Variants in PPP6R2 observed in about 807,000 individuals in gnomAD.
PPP6R2 encodes protein phosphatase 6 regulatory subunit 2, also known as serine/threonine-protein phosphatase 6 regulatory subunit 2.
Under a neutral mutation model 100.2 loss-of-function variants are expected in PPP6R2, and 62 were observed. The ratio of observed to expected loss-of-function variants is 0.62; its 90% CI spans 0.50 to 0.76. The LOEUF is 0.76. Among genes scored for constraint, PPP6R2 ranks in the 30% least tolerant of loss-of-function variants. PPP6R2 has a pLI of 0.00. For missense variants in PPP6R2, 1,142 were observed against 1,276.3 expected, an observed-to-expected ratio of 0.89 and a Z score of 1.60; for synonymous variants, 525 against 514.7, an observed-to-expected ratio of 1.02 and a Z score of -0.27.
chr22:50,362,452 G>A (rs1392664447), intron 1 of PPP6R2, among the ~76,000 whole-genome samples: 2 of 152,160 alleles, frequency 1.3e-5, no homozygotes, highest in African/African-American at 4.8e-5. Context: ...GGAATGTGCA[G>A]CGACGTCAGC....
intron 2 of PPP6R2, among the ~76,000 whole-genome samples, chr22:50,379,279 T>C (rs1007216655): frequency 4.6e-5 from 7 of 152,032 alleles, no homozygotes; most frequent in Non-Finnish European, 1.0e-4. Context: ...GTGGATTGCT[T>C]GAGTCCAGAA....
chr22:50,366,375 A>G (rs983988160), intron 1 of PPP6R2, among the ~76,000 whole-genome samples: 11 of 149,968 alleles, frequency 7.3e-5, no homozygotes, highest in African/African-American at 2.7e-4. Flanking sequence ...CAGTGGTGCA[A>G]TCCCAGCTCA....
the PPP6R2 span, among the ~76,000 whole-genome samples, chr22:50,331,893 T>A: frequency 1.3e-5 from 2 of 152,218 alleles, no homozygotes; most frequent in African/African-American, 4.8e-5. Context: ...GTGCTGGGAT[T>A]ACAGGCGTGA....
chr22:50,339,984 AGT>A (rs373480724), upstream of PPP6R2, among the ~76,000 whole-genome samples: 303 of 61,464 alleles, frequency 4.9e-3, no homozygotes, highest in Non-Finnish European at 7.8e-3. Context: ...TGTGGTATGT[AGT>A]GTGTGTTATG....
intron 22 of PPP6R2, 121 bp downstream of exon 22, chr22:50,441,147 G>A: frequency 4.4e-6 from 4 of 904,236 alleles, no homozygotes; most frequent in Non-Finnish European, 3.2e-6. Context: ...TCTCCACACT[G>A]CCTCCCCCAT....
At chr22:50,396,756 A>T (rs2056982575) in intron 3 of PPP6R2, among the ~76,000 whole-genome samples, 2 of 152,188 alleles carry the variant, frequency 1.3e-5, no homozygotes, top group Admixed American at 1.3e-4. Context: ...GGGGGTGGTC[A>T]GTACTTCATT....
chr22:50,393,964 A>G lies in PPP6R2; in HGVS notation c.56A>G (p.Lys19Arg). ...TTSHVDKLLD[K>R]EHVTLQELMD... ...TCCCATGTTGACAAGCTGCTGGACA[A>G]GGAGCATGTGACGCTGCAGGAGTTA... Residue 19 changes from lysine (K) to arginine (R), a missense_variant, in exon 3 of 24, where the codon AAG (lysine) becomes AGG (arginine). Physicochemically the swap from Lys to Arg is conservative, Grantham distance 26. Transcript: ENST00000612753. 2.5e-6 allele frequency: 4 copies of G among 1,614,212 alleles called. No homozygotes were observed. Among genetic ancestry groups the G allele is most frequent in the Admixed American group, 3.3e-5 (2 of 60,024 alleles).
intron 2 of PPP6R2, among the ~76,000 whole-genome samples, chr22:50,392,366 C>A (rs1402605466): frequency 6.7e-6 from 1 of 150,198 alleles, no homozygotes; most frequent in African/African-American, 2.4e-5. Flanking sequence ...AAACCCACCC[C>A]AAAATCAAAA....
chr22:50,360,729 T>C (rs1053443528), intron 1 of PPP6R2, among the ~76,000 whole-genome samples: 2 of 152,144 alleles, frequency 1.3e-5, no homozygotes, highest in African/African-American at 2.4e-5. Context: ...TTAGCTACAC[T>C]GTCAGAGCTC....
Position 50,438,043 on chromosome 22 carries a change from C to T in PPP6R2, c.1840-131C>T, listed in dbSNP as rs2064771473. The stretch of plus-strand genomic sequence containing the variant: ...AGCTCGGAACAGTCGCTTTCCTTGC[C>T]CCTCCCCGTCCTCCCCTCCAGCCCG... On this transcript the variant is annotated intron_variant, in intron 17 of 23. Coordinates refer to ENST00000612753, the MANE Select transcript of PPP6R2 (RefSeq NM_001242898.2). 4.7e-6 allele frequency: 7 copies of T among 1,490,158 alleles called. No individual in the cohort carries two copies. In the East Asian group the frequency reaches 6.8e-5, roughly 15 times the overall value. 92.3% of individuals were successfully genotyped at this position (1,490,158 alleles called of 1,614,324 possible). A position where few individuals can be genotyped will look rare whatever the true frequency, so the allele number is the denominator to read the frequency against.
Position 50,438,645 on chromosome 22 carries a change from G to A in PPP6R2, c.2011G>A (p.Glu671Lys), listed in dbSNP as rs766206633. 6.2e-7 allele frequency: 1 copy of A among 1,614,084 alleles called. No individual in the cohort carries two copies. The highest frequency in any genetic ancestry group is 8.5e-7 in the Non-Finnish European group (1 of 1,180,004). Reference sequence around the variant, plus strand: ...AGAGAGTTGCTCAAAGAATGGCCCAGAGCGTGGAGGCCAGGATGGGAAGGC... The same window carrying A: ...AGAGAGTTGCTCAAAGAATGGCCCAAAGCGTGGAGGCCAGGATGGGAAGGC... Reference protein sequence around the residue: ...ASESCSKNGPERGGQDGKASL... With the variant: ...ASESCSKNGPKRGGQDGKASL... Residue 671 changes from glutamate to lysine, a missense_variant, in exon 19 of 24, where the codon GAG (glutamate) becomes AAG (lysine). Coordinates refer to ENST00000612753, the MANE Select transcript of PPP6R2 (RefSeq NM_001242898.2).
intron 2 of PPP6R2, among the ~76,000 whole-genome samples, chr22:50,382,128 G>A (rs1468622119): frequency 6.6e-6 from 1 of 152,070 alleles, no homozygotes; most frequent in Non-Finnish European, 1.5e-5. Flanking sequence ...GGAAGTCTTA[G>A]CCCAATAAAT....
intron 4 of PPP6R2, among the ~76,000 whole-genome samples, chr22:50,410,047 A>AT (rs1007266159): frequency 6.6e-6 from 1 of 150,688 alleles, no homozygotes; most frequent in South Asian, 2.1e-4. Flanking sequence ...TTTTGTTTTT[A>AT]TTTTTTTTCT....
intron 1 of PPP6R2, among the ~76,000 whole-genome samples, chr22:50,354,060 T>G (rs1432040406): frequency 1.3e-5 from 2 of 152,150 alleles, no homozygotes; most frequent in African/African-American, 4.8e-5. Flanking sequence ...ATCTCAGCAC[T>G]TTTGGAGGCC....
Position 50,423,593 on chromosome 22 carries a change from C to G in PPP6R2, c.1104C>G (p.Leu368=). 6.2e-7 allele frequency: 1 copy of G among 1,614,176 alleles called. No individual in the cohort carries two copies. The highest frequency in any genetic ancestry group is 2.2e-5 in the East Asian group (1 of 44,882). The change falls in exon 10 of 24, where the codon CTC becomes CTG. Residue 368 remains leucine (L), a synonymous_variant. Coordinates refer to ENST00000612753, the MANE Select transcript of PPP6R2 (RefSeq NM_001242898.2). This position sits in a 1 kb window ranked among gnomAD's most constrained non-coding sequence, Gnocchi z 4.8. The part of the protein sequence containing the change: ...TPSINQELCR[L]NTMDLLLDLF... ...GCATCAACCAGGAGCTCTGCCGGCT[C>G]AACACGATGGACTTACTGCTGGTAA...
intron 4 of PPP6R2, among the ~76,000 whole-genome samples, chr22:50,408,265 A>G (rs2059255194): frequency 6.6e-6 from 1 of 152,192 alleles, no homozygotes; most frequent in Non-Finnish European, 1.5e-5. Context: ...TATTAACCGT[A>G]ATTGTTTCAT....
At chr22:50,343,737 C>T (rs1314595282) in intron 1 of PPP6R2, among the ~76,000 whole-genome samples, 187 bp downstream of exon 1, 1 of 93,508 alleles carries the variant, frequency 1.1e-5, no homozygotes, top group African/African-American at 4.3e-5. Context: ...GTCAGTGCCC[C>T]CTCCAGTCAG....
chr22:50,391,624 T>C (rs936231892), intron 2 of PPP6R2, among the ~76,000 whole-genome samples: 1 of 151,722 alleles, frequency 6.6e-6, no homozygotes, highest in African/African-American at 2.4e-5. Context: ...AGTCTGACAA[T>C]GTTTGTCTTT....
At chr22:50,349,490 G>A (rs900375271) in intron 1 of PPP6R2, among the ~76,000 whole-genome samples, 1 of 151,564 alleles carries the variant, frequency 6.6e-6, no homozygotes, top group Non-Finnish European at 1.5e-5. Flanking sequence ...GCAACATAGT[G>A]AGGCCCCATC....
Sources: allele counts gnomAD v4.1 joint callset (sites outside exome capture counted in the v4.1 genomes callset), GRCh38; gene constraint gnomAD v4.1.1; non-coding constraint Gnocchi (gnomAD v3.1); transcripts MANE v1.5; gene names NCBI Gene and HGNC (gene_info 2026-07-23, HGNC 2026-07-21).